Variants in ARID1B observed in about 807,000 individuals in gnomAD.
ARID1B encodes AT-rich interaction domain 1B.
In ARID1B, 30 loss-of-function variants were observed where a neutral mutation model predicts 212.3. The ratio of observed to expected loss-of-function variants is 0.14; its 90% CI spans 0.11 to 0.19. The LOEUF (loss-of-function observed/expected upper bound fraction) is 0.19. Among genes scored for constraint, ARID1B ranks in the 10% least tolerant of loss-of-function variants. ARID1B has a pLI of 1.00. For synonymous variants in ARID1B, 1,402 were observed against 1,301.7 expected (o/e 1.08, Z -1.66); for missense variants, 2,891 against 3,204.0 (o/e 0.90, Z 2.36).
Position 157,180,987 on chromosome 6 carries a change from A to C in ARID1B, c.3523A>C (p.Thr1175Pro). 6.2e-7 allele frequency: 1 copy of C among 1,613,418 alleles called. No individual in the cohort carries two copies. The highest frequency in any genetic ancestry group is 8.5e-7 in the Non-Finnish European group (1 of 1,179,780). ...GTACTAGAAGTCCAGCTCCTCCACC[A>C]CTACTGGGGAGAAGATCACGAAGGT... ...PSSPKSSSST[T>P]TGEKITKVYE... Residue 1175 changes from threonine (T) to proline (P), a missense_variant, in exon 12 of 20, where the codon ACT becomes CCT. Thr to Pro is a conservative substitution (Grantham distance 38). This residue lies in a region of ARID1B where 666 missense variants were observed against 873.5 expected (regional missense o/e 0.76). Coordinates refer to ENST00000636930, the MANE Select transcript of ARID1B (RefSeq NM_001374828.1).
chr6:157,125,325 A>G (rs570034883), intron 6 of ARID1B, among the ~76,000 whole-genome samples: 12 of 152,326 alleles, frequency 7.9e-5, no homozygotes, highest in African/African-American at 2.9e-4. Context: ...GAAGTCGTCA[A>G]TGCTGGCTTT....
At chr6:156,860,281 T>C (rs141858460) in intron 2 of ARID1B, among the ~76,000 whole-genome samples, 181 of 152,254 alleles carry the variant, frequency 1.2e-3, no homozygotes, top group African/African-American at 4.3e-3. Context: ...GAATTTATTA[T>C]AGATAATATA....
intron 4 of ARID1B, chr6:156,941,494 A>G (rs1224786439): frequency 2.0e-5 from 3 of 152,206 alleles, no homozygotes; most frequent in African/African-American, 7.2e-5. Context: ...TTGGATTAAG[A>G]TTAAGAGCAT....
Position 156,896,677 on chromosome 6 carries a change from G to C in ARID1B, c.1987-4699G>C, listed in dbSNP as rs535484706. Among the ~76,000 whole-genome samples the C allele has an allele frequency of 2.9e-3, 432 of 150,834 alleles. 3 individuals carry two copies. The highest frequency in any genetic ancestry group is 9.9e-3 in the African/African-American group (406 of 40,994). Reference sequence around the variant, plus strand: ...AGGTGGATCACGAGGTCAAGAGATCGATACCATCCTGGCCTACATGGTGAA... The same window carrying C: ...AGGTGGATCACGAGGTCAAGAGATCCATACCATCCTGGCCTACATGGTGAA... On this transcript the variant is annotated intron_variant, in intron 2 of 19. Coordinates refer to ENST00000636930, the MANE Select transcript of ARID1B (RefSeq NM_001374828.1).
In ARID1B at chr6:157,008,393, GT is replaced by G. The variant is rs568129503; in HGVS notation, c.2247+72818del. On this transcript the variant is annotated intron_variant, in intron 4 of 19. Transcript: ENST00000636930. ...AATTTGACTACTCTAGGGACCTCCT[GT>G]AATCTTTCCCTTTTAACCTCCATGC... 4.2e-4 allele frequency among the ~76,000 whole-genome samples: 64 copies of G among 152,260 alleles called. 2 individuals carry two copies. The highest frequency in any genetic ancestry group is 1.3e-3 in the African/African-American group (55 of 41,548).
At chr6:157,192,520 G>A (rs949500894) in intron 15 of ARID1B, among the ~76,000 whole-genome samples, 1 of 152,184 alleles carries the variant, frequency 6.6e-6, no homozygotes, top group Non-Finnish European at 1.5e-5. Flanking sequence ...ATATTGGTAA[G>A]TTGAAAACAC....
chr6:156,873,290 C>T (rs1463500512), intron 2 of ARID1B, among the ~76,000 whole-genome samples: 1 of 152,168 alleles, frequency 6.6e-6, no homozygotes, highest in Non-Finnish European at 1.5e-5. Flanking sequence ...TTGGAAAGTT[C>T]TGGATTAGCC....
chr6:156,999,755 C>T (rs1449422648), intron 4 of ARID1B, among the ~76,000 whole-genome samples: 3 of 152,214 alleles, frequency 2.0e-5, no homozygotes, highest in Non-Finnish European at 2.9e-5. Flanking sequence ...GCACTAGGAA[C>T]ACAGCAATGG....
intron 16 of ARID1B, 143 bp from the exon 17 acceptor site, chr6:157,198,668 C>A: frequency 1.6e-6 from 1 of 626,184 alleles, no homozygotes; most frequent in Non-Finnish European, 2.7e-6. Flanking sequence ...AGCTGCCTCT[C>A]AGAGGGCCTT....
At chr6:156,862,293 A>G (rs1182205749) in intron 2 of ARID1B, among the ~76,000 whole-genome samples, 3 of 152,158 alleles carry the variant, frequency 2.0e-5, no homozygotes, top group Admixed American at 6.5e-5. Context: ...AGATTTTACT[A>G]CAGTTGGCCT....
chr6:157,152,009 A>G (rs1194207236), intron 8 of ARID1B: 1 of 152,270 alleles, frequency 6.6e-6, no homozygotes, highest in African/African-American at 2.4e-5. Flanking sequence ...TGAAATAACA[A>G]ATATAGAATG....
intron 4 of ARID1B, among the ~76,000 whole-genome samples, chr6:156,978,071 A>G (rs1481642215): frequency 1.3e-5 from 2 of 152,166 alleles, no homozygotes; most frequent in Non-Finnish European, 2.9e-5. Flanking sequence ...CTTCACACAC[A>G]CAGGCTGAAC....
At chr6:157,058,689 C>T (rs1177808017) in intron 4 of ARID1B, among the ~76,000 whole-genome samples, 1 of 152,224 alleles carries the variant, frequency 6.6e-6, no homozygotes, top group Non-Finnish European at 1.5e-5. Context: ...CAGCTTGAGG[C>T]TCACAGCGTC....
intron 4 of ARID1B, among the ~76,000 whole-genome samples, chr6:156,981,164 T>A (rs1486441198): frequency 6.6e-6 from 1 of 152,212 alleles, no homozygotes. Context: ...AAGCACTGAC[T>A]TAGTCTCTTC....
intron 8 of ARID1B, chr6:157,149,207 CTG>C: frequency 2.1e-6 from 1 of 487,360 alleles, no homozygotes; most frequent in Non-Finnish European, 3.7e-6. Context: ...TTTGAAATGC[CTG>C]TGAATAGTCA....
intron 4 of ARID1B, among the ~76,000 whole-genome samples, chr6:156,999,360 C>T (rs1053350125): frequency 6.6e-6 from 1 of 152,198 alleles, no homozygotes; most frequent in African/African-American, 2.4e-5. Context: ...ATAATTTCCT[C>T]ATGTATAAAA....
intron 5 of ARID1B, among the ~76,000 whole-genome samples, chr6:157,093,862 A>G (rs1393797660): frequency 1.3e-5 from 2 of 152,144 alleles, no homozygotes; most frequent in Admixed American, 6.5e-5. Context: ...TTATCATTCT[A>G]TTCTGTCATT....
intron 4 of ARID1B, among the ~76,000 whole-genome samples, chr6:157,021,886 C>T (rs2128476234): frequency 6.6e-6 from 1 of 152,300 alleles, no homozygotes; most frequent in South Asian, 2.1e-4. Context: ...CGCGCCGCCG[C>T]CCCGCTACCT....
At chr6:157,137,949 T>G (rs945884390) in intron 7 of ARID1B, among the ~76,000 whole-genome samples, 2 of 152,240 alleles carry the variant, frequency 1.3e-5, no homozygotes, top group Non-Finnish European at 2.9e-5. Flanking sequence ...GAAATTTTCC[T>G]TTTCCCTTCA....
Sources: gnomAD v4.1 joint callset for allele counts (sites outside exome capture counted in the v4.1 genomes callset) on GRCh38, gnomAD v4.1.1 for gene constraint, gnomAD v4.1.1 regional missense constraint, MANE v1.5 for transcripts, NCBI Gene and HGNC (gene_info 2026-07-23, HGNC 2026-07-21) for gene names.